ZNF726: variants seen among roughly 807,000 people sequenced by gnomAD.
The protein encoded by ZNF726 is zinc finger protein 92 pseudogene 3.
ZNF726 carries 15 observed loss-of-function variants against 11.6 expected under a neutral mutation model. The ratio of observed to expected loss-of-function variants is 1.29; its 90% CI spans 0.86 to 1.99. The LOEUF is 1.99. ZNF726 is among the 30% of genes most tolerant of loss of function. ZNF726 has a pLI of 0.00. For synonymous variants in ZNF726, 295 were observed against 243.6 expected (o/e 1.21, Z -1.96); for missense variants, 890 against 725.6 (o/e 1.23, Z -2.60).
At chr19:23,924,587 T>G (rs1238351193) in intron 3 of ZNF726, among the ~76,000 whole-genome samples, 1 of 152,208 alleles carries the variant, frequency 6.6e-6, no homozygotes, top group African/African-American at 2.4e-5. Context: ...TAAATCCATT[T>G]AAATGTACAT....
At chr19:23,935,332 C>T (rs769704992), downstream of ZNF726, 1 of 526,076 alleles carries the variant, frequency 1.9e-6, no homozygotes, top group South Asian at 1.4e-5. Context: ...TTCTGGTCCT[C>T]AGCCCTAACT....
intron 3 of ZNF726, 68 bp from the exon 4 acceptor site, chr19:23,932,275 G>C: frequency 8.7e-7 from 1 of 1,145,060 alleles, no homozygotes; most frequent in Non-Finnish European, 1.1e-6. Flanking sequence ...TAATTTTATA[G>C]GTAAGATTTT....
intron 1 of ZNF726, among the ~76,000 whole-genome samples, chr19:23,918,199 A>AG (rs1967751489): frequency 1.3e-5 from 2 of 152,284 alleles, no homozygotes; most frequent in African/African-American, 4.8e-5. Context: ...TTACCAGGGA[A>AG]GGGGGAACAC....
chr19:23,915,491 G>A (rs1019113020), intron 1 of ZNF726, among the ~76,000 whole-genome samples: 1 of 152,188 alleles, frequency 6.6e-6, no homozygotes, highest in Admixed American at 6.5e-5. Context: ...TGGAAGGAAA[G>A]GTTTTTATAA....
At chr19:23,937,644 G>T (rs935138731), downstream of ZNF726, among the ~76,000 whole-genome samples, 2 of 150,994 alleles carry the variant, frequency 1.3e-5, no homozygotes, top group African/African-American at 4.9e-5. Context: ...GGGCAGAGAT[G>T]CTCCTCACTT....
At chr19:23,924,113 G>A (rs1967925276) in intron 3 of ZNF726, among the ~76,000 whole-genome samples, 1 of 150,666 alleles carries the variant, frequency 6.6e-6, no homozygotes, top group South Asian at 2.1e-4. Context: ...GCACGATCTT[G>A]ACTCACTGCA....
At chr19:23,932,013 T>A (rs766706780) in intron 3 of ZNF726, among the ~76,000 whole-genome samples, 1 of 152,224 alleles carries the variant, frequency 6.6e-6, no homozygotes. Context: ...GAGTTTGCAA[T>A]TTACTTCTAA....
chr19:23,937,272 C>T (rs997791282), downstream of ZNF726, among the ~76,000 whole-genome samples: 108 of 151,454 alleles, frequency 7.1e-4, no homozygotes, highest in African/African-American at 1.2e-3. Flanking sequence ...GGCGGCTGGC[C>T]GGGCGGGGGG....
chr19:23,941,510 G>T (rs1274317631), intron 3 of ZNF726, among the ~76,000 whole-genome samples: 3 of 152,012 alleles, frequency 2.0e-5, no homozygotes, highest in African/African-American at 7.2e-5. Context: ...ATTAGGGAGG[G>T]TTCCTTCTTT....
At chr19:23,923,109 C>T (rs570110820) in intron 3 of ZNF726, among the ~76,000 whole-genome samples, 6 of 152,056 alleles carry the variant, frequency 3.9e-5, no homozygotes, top group Non-Finnish European at 7.4e-5. Context: ...TTTTCAACCA[C>T]TTTTGTCAGC....
intron 3 of ZNF726, chr19:23,929,074 AT>A (rs1432102625): frequency 3.9e-5 from 6 of 151,926 alleles, no homozygotes; most frequent in South Asian, 2.1e-4. Flanking sequence ...CTGAGATTAT[AT>A]TTTTTTCTAT....
chr19:23,924,683 A>T (rs1271140493), intron 3 of ZNF726, among the ~76,000 whole-genome samples: 1 of 152,176 alleles, frequency 6.6e-6, no homozygotes, highest in African/African-American at 2.4e-5. Context: ...AGCCCAAAAG[A>T]TTGAGACCAA....
chr19:23,937,130 C>T (rs557618066), downstream of ZNF726, among the ~76,000 whole-genome samples: 498 of 142,354 alleles, frequency 3.5e-3, 2 homozygotes, highest in South Asian at 9.6e-3. Flanking sequence ...GCTGGCCGGG[C>T]GGGGGGGCTG....
chr19:23,933,950 A>T lies in ZNF726; in HGVS notation c.1834A>T (p.Lys612Ter). Reference sequence around the variant, plus strand: ...CTGGTCCTCAACCCTTTTTAAGCATAAGAGGATTCATACTTGAGAGAAACC... The same window carrying T: ...CTGGTCCTCAACCCTTTTTAAGCATTAGAGGATTCATACTTGAGAGAAACC... ...FIWSSTLFKH[K>*]RIHT The change falls in exon 4 of 4, where the codon AAG (lysine) becomes TAG (stop). Residue 612 changes from lysine to a stop codon, truncating the protein, a stop_gained. Coordinates refer to ENST00000594466, the MANE Select transcript of ZNF726 (RefSeq NM_001244038.2). LOFTEE classifies it high-confidence loss of function. 2 of 1,579,112 alleles carry T rather than the reference A, an allele frequency of 1.3e-6. No homozygotes were observed. The highest frequency in any genetic ancestry group is 1.7e-6 in the Non-Finnish European group (2 of 1,162,092).
At chr19:23,925,497 T>C (rs1599459960) in intron 3 of ZNF726, among the ~76,000 whole-genome samples, 1 of 152,052 alleles carries the variant, frequency 6.6e-6, no homozygotes, top group South Asian at 2.1e-4. Context: ...CGGCCAAGGG[T>C]TTTATTTTTA....
At chr19:23,942,535 C>CT (rs1480576007) in intron 3 of ZNF726, among the ~76,000 whole-genome samples, 1 of 152,110 alleles carries the variant, frequency 6.6e-6, no homozygotes, top group African/African-American at 2.4e-5. Context: ...TCTTAATGAT[C>CT]TGTCTAGTGC....
At chr19:23,935,162 A>G (rs1755306165), downstream of ZNF726, 17 of 388,198 alleles carry the variant, frequency 4.4e-5, no homozygotes, top group Middle Eastern at 6.0e-4. Flanking sequence ...GAATCCCCAC[A>G]TGTTGTGGGG....
chr19:23,933,836 T>C lies in ZNF726; in HGVS notation c.1720T>C (p.Phe574Leu). 1 of 1,599,682 alleles carries C rather than the reference T, an allele frequency of 6.3e-7. No homozygotes were observed. The highest frequency in any genetic ancestry group is 1.1e-5 in the South Asian group (1 of 89,792). ...PYKCEECGKAFNRSSNLSTHK... is the reference protein window; with the variant it reads ...PYKCEECGKALNRSSNLSTHK... ...CAAGTGTGAAGAATGTGGAAAAGCG[T>C]TTAATCGATCCTCAAATCTTAGTAC... is the stretch of plus-strand genomic sequence containing the variant. The change falls in exon 4 of 4, where the codon TTT becomes CTT. Residue 574 changes from phenylalanine (F) to leucine (L), a missense_variant. Coordinates refer to ENST00000594466, the MANE Select transcript of ZNF726 (RefSeq NM_001244038.2).
rs567071792 is a variant in ZNF726, at chr19:23,931,497, T to A, written c.227-846T>A. The stretch of plus-strand genomic sequence containing the variant: ...TCTTAAAATTAATGTATAAATCTTA[T>A]TTTTTTATGGTTTCTTTCAGAAAAT... On this transcript the variant is annotated intron_variant, in intron 3 of 3. Transcript: ENST00000594466. Among the ~76,000 whole-genome samples the A allele has an allele frequency of 3.5e-4, 54 of 152,260 alleles. No homozygotes were observed. In the East Asian group the frequency reaches 8.7e-3, roughly 24 times the overall value.
Sources: gnomAD v4.1 joint callset for allele counts (sites outside exome capture counted in the v4.1 genomes callset) on GRCh38, gnomAD v4.1.1 for gene constraint, MANE v1.5 for transcripts, NCBI Gene and HGNC (gene_info 2026-07-23, HGNC 2026-07-21) for gene names.